The following MPDZ variants were observed in gnomAD, a reference collection of about 807,000 sequenced individuals.
MPDZ encodes the protein multiple PDZ domain crumbs cell polarity complex component, also known as multiple PDZ domain protein.
MPDZ carries 234 observed loss-of-function variants against 239.1 expected under a neutral mutation model. The ratio of observed to expected loss-of-function variants is 0.98; its 90% CI spans 0.88 to 1.09. The LOEUF is 1.09. Among genes scored for constraint, MPDZ ranks in the 50% least tolerant of loss-of-function variants. The pLI, the probability that MPDZ is intolerant of heterozygous loss-of-function variation, is 0.00. For missense variants in MPDZ, 3,175 were observed against 2,510.0 expected, an observed-to-expected ratio of 1.26 and a Z score of -5.66; for synonymous variants, 1,048 against 881.3, an observed-to-expected ratio of 1.19 and a Z score of -3.35.
At chr9:13,278,864 C>T (rs893184408) in intron 1 of MPDZ, among the ~76,000 whole-genome samples, 2 of 151,992 alleles carry the variant, frequency 1.3e-5, no homozygotes, top group African/African-American at 2.4e-5. Context: ...GACCACGTAA[C>T]GGCGGATGGG....
intron 3 of MPDZ, among the ~76,000 whole-genome samples, chr9:13,231,088 T>C (rs1554713172): frequency 6.6e-6 from 1 of 152,086 alleles, no homozygotes; most frequent in Non-Finnish European, 1.5e-5. Context: ...GAGACAAAGA[T>C]GAGAGTAATA....
At chr9:13,199,214 G>A (rs1448940350) in intron 12 of MPDZ, among the ~76,000 whole-genome samples, 4 of 151,966 alleles carry the variant, frequency 2.6e-5, no homozygotes, top group Admixed American at 6.6e-5. Flanking sequence ...TTTCACTGCA[G>A]AAATCTTTTA....
At position 13,209,421 on chromosome 9, in the gene MPDZ, G is replaced by C. The variant is rs1041632747; in HGVS notation, c.1291-3322C>G. Among the ~76,000 whole-genome samples the C allele has an allele frequency of 7.2e-5, 11 of 152,148 alleles. 1 individual carries two copies. Among genetic ancestry groups the C allele is most frequent in the Non-Finnish European group, 1.2e-4 (8 of 68,034 alleles). ...TTTTGTTAATCTACAAATGAATCAA[G>C]TGAAGCTACAGTAAATTTAAACTTT... On this transcript the variant is annotated intron_variant, in intron 10 of 46. Transcript: ENST00000319217.
At chr9:13,190,808 A>C (rs1188248890) in intron 15 of MPDZ, among the ~76,000 whole-genome samples, 1 of 152,176 alleles carries the variant, frequency 6.6e-6, no homozygotes, top group Non-Finnish European at 1.5e-5. Context: ...TAAGATTTGA[A>C]ATCAGATTTG....
intron 7 of MPDZ, 26 bp from the exon 8 acceptor site, chr9:13,219,794 A>G (rs1266697561): frequency 6.3e-7 from 1 of 1,595,120 alleles, no homozygotes; most frequent in Middle Eastern, 1.7e-4. Context: ...TTGAATAATT[A>G]GACTATTATT....
rs944052225 is a variant in MPDZ, at chr9:13,209,799, A to C, written c.1291-3700T>G. ...AAAACTTACAATGAAGGCAGTCAAC[A>C]AGATTTTAAGTACTGCAAAAACAAA... On this transcript the variant is annotated intron_variant, in intron 10 of 46. Transcript: ENST00000319217. Among the ~76,000 whole-genome samples the C allele has an allele frequency of 2.6e-5, 4 of 152,300 alleles. No homozygotes were observed. In the South Asian group the frequency reaches 8.3e-4, roughly 32 times the overall value.
intron 32 of MPDZ, among the ~76,000 whole-genome samples, chr9:13,130,977 A>T (rs1270071753): frequency 6.6e-6 from 1 of 152,216 alleles, no homozygotes; most frequent in Non-Finnish European, 1.5e-5. Context: ...AGTTATGGGA[A>T]CAGTTCAAAG....
chr9:13,250,730 C>T (rs1251860164), intron 1 of MPDZ, among the ~76,000 whole-genome samples: 1 of 149,190 alleles, frequency 6.7e-6, no homozygotes, highest in Admixed American at 6.6e-5. Flanking sequence ...TTACTTAACT[C>T]CACATAAGAA....
intron 1 of MPDZ, among the ~76,000 whole-genome samples, chr9:13,267,993 G>T (rs753352444): frequency 6.6e-6 from 1 of 152,084 alleles, no homozygotes; most frequent in African/African-American, 2.4e-5. Flanking sequence ...CTTTCCTTGT[G>T]ACTCAGTTGT....
At chr9:13,263,768 G>A (rs368100105) in intron 1 of MPDZ, among the ~76,000 whole-genome samples, 13 of 151,962 alleles carry the variant, frequency 8.6e-5, no homozygotes, top group South Asian at 6.2e-4. Context: ...TTGAACATAC[G>A]TTCAAAAACC....
At chr9:13,194,441 C>T (rs1371170803) in intron 13 of MPDZ, among the ~76,000 whole-genome samples, 1 of 152,074 alleles carries the variant, frequency 6.6e-6, no homozygotes, top group African/African-American at 2.4e-5. Context: ...CAAACTAACA[C>T]AGGAACAGAA....
intron 28 of MPDZ, among the ~76,000 whole-genome samples, chr9:13,138,624 C>T (rs1947197164): frequency 1.3e-5 from 2 of 152,128 alleles, no homozygotes; most frequent in Non-Finnish European, 2.9e-5. Context: ...AGAGAATGAG[C>T]TTTCTTATTG....
intron 12 of MPDZ, among the ~76,000 whole-genome samples, chr9:13,200,804 T>A (rs979548069): frequency 6.6e-6 from 1 of 152,100 alleles, no homozygotes; most frequent in African/African-American, 2.4e-5. Flanking sequence ...ATTTTAAGAT[T>A]TATAAAGACT....
At chr9:13,147,259 T>C (rs925246375) in intron 26 of MPDZ, among the ~76,000 whole-genome samples, 1 of 152,048 alleles carries the variant, frequency 6.6e-6, no homozygotes, top group African/African-American at 2.4e-5. Context: ...ATAACTTGTG[T>C]ATTTTGTGAT....
intron 24 of MPDZ, among the ~76,000 whole-genome samples, chr9:13,156,539 G>C (rs1949840905): frequency 1.3e-5 from 2 of 152,128 alleles, no homozygotes; most frequent in Admixed American, 1.3e-4. Flanking sequence ...GGTCTCCTGA[G>C]GCCCATTTAC....
At chr9:13,191,980 A>C (rs1587672024) in intron 15 of MPDZ, 151 bp downstream of exon 15, 1 of 628,854 alleles carries the variant, frequency 1.6e-6, no homozygotes, top group Non-Finnish European at 2.4e-6. Context: ...TCTGATTCAA[A>C]CCCAGATTTG....
chr9:13,176,454 A>C, intron 19 of MPDZ, 37 bp from the exon 20 acceptor site: 1 of 1,474,214 alleles, frequency 6.8e-7, no homozygotes, highest in Non-Finnish European at 9.0e-7. Context: ...AAACATGAAA[A>C]ATGTGACCAG....
In MPDZ at chr9:13,205,902, T is replaced by C; in HGVS notation, c.1474+14A>G. 1 of 1,553,514 alleles carries C rather than the reference T, an allele frequency of 6.4e-7. No homozygotes were observed. The highest frequency in any genetic ancestry group is 8.7e-7 in the Non-Finnish European group (1 of 1,152,632). On this transcript the variant is annotated intron_variant, in intron 11 of 46. Coordinates refer to ENST00000319217, the MANE Select transcript of MPDZ (RefSeq NM_001378778.1). ...ATAAAGGTCTAACTAAAAACCAGAT[T>C]AACATAGGATTACCTTTGATTATGC...
chr9:13,129,087 G>A (rs1273809055), intron 32 of MPDZ, among the ~76,000 whole-genome samples: 2 of 152,128 alleles, frequency 1.3e-5, no homozygotes, highest in Non-Finnish European at 2.9e-5. Flanking sequence ...CTACAAATCT[G>A]CATGTATAAT....
Sources: gnomAD v4.1 joint callset for allele counts (sites outside exome capture counted in the v4.1 genomes callset) on GRCh38, gnomAD v4.1.1 for gene constraint, MANE v1.5 for transcripts, NCBI Gene and HGNC (gene_info 2026-07-23, HGNC 2026-07-21) for gene names.